PDE9A: variants seen among roughly 807,000 people sequenced by gnomAD.
The protein encoded by PDE9A is high affinity cGMP-specific 3',5'-cyclic phosphodiesterase 9A.
PDE9A carries 60 observed loss-of-function variants against 87.4 expected under a neutral mutation model. That is an observed-to-expected ratio of 0.69 (90% CI 0.56 to 0.85). PDE9A has a LOEUF of 0.85. Ranked by LOEUF, PDE9A falls within the 40% of genes least tolerant of loss-of-function variation. The pLI, the probability that PDE9A is intolerant of heterozygous loss-of-function variation, is 0.00. For synonymous variants in PDE9A, 272 were observed against 279.4 expected, an observed-to-expected ratio of 0.97 and a Z score of 0.27; for missense variants, 665 against 779.0, an observed-to-expected ratio of 0.85 and a Z score of 1.74.
chr21:42,759,057 T>A lies in PDE9A; in HGVS notation c.869T>A (p.Ile290Asn). The change falls in exon 11 of 20, where the codon ATC (isoleucine) becomes AAC (asparagine). Residue 290 changes from isoleucine (I) to asparagine (N), a missense_variant. Transcript: ENST00000291539. The surrounding 1 kb of genome is among the most constrained non-coding windows in gnomAD (Gnocchi z 7.2). ...CTCGGGCTGGTCAGGGACTTCAGCATCAACCCTGTCACCCTCAGGAGGTGG... is the reference window on the plus strand; with the variant it reads ...CTCGGGCTGGTCAGGGACTTCAGCAACAACCCTGTCACCCTCAGGAGGTGG... ...HDLGLVRDFSINPVTLRRWLF... is the reference protein window; with the variant it reads ...HDLGLVRDFSNNPVTLRRWLF... 6.2e-7 allele frequency: 1 copy of A among 1,614,026 alleles called. No homozygotes were observed. Among genetic ancestry groups the A allele is most frequent in the Non-Finnish European group, 8.5e-7 (1 of 1,179,884 alleles).
chr21:42,708,385 A>G (rs1228359022), intron 4 of PDE9A, among the ~76,000 whole-genome samples: 3 of 152,112 alleles, frequency 2.0e-5, no homozygotes, highest in African/African-American at 4.8e-5. Flanking sequence ...AGATGATGAC[A>G]GCTGAACATT....
chr21:42,720,050 C>A (rs1462595465), intron 4 of PDE9A, among the ~76,000 whole-genome samples: 1 of 152,136 alleles, frequency 6.6e-6, no homozygotes, highest in Non-Finnish European at 1.5e-5. Flanking sequence ...TTAAACTTTC[C>A]CAGAGGATTA....
chr21:42,716,587 A>G (rs1001535587), intron 4 of PDE9A, among the ~76,000 whole-genome samples: 3 of 151,426 alleles, frequency 2.0e-5, no homozygotes, highest in Non-Finnish European at 4.4e-5. Flanking sequence ...AACTTTTCAC[A>G]ATCTATTTAG....
chr21:42,774,751 G>A (rs918511723), intron 19 of PDE9A, among the ~76,000 whole-genome samples: 6 of 151,436 alleles, frequency 4.0e-5, no homozygotes, highest in Admixed American at 6.6e-5. Flanking sequence ...CTGTAGTGGC[G>A]TGCACCTGTA....
intron 7 of PDE9A, among the ~76,000 whole-genome samples, chr21:42,737,714 T>C (rs372369833): frequency 1.2e-4 from 18 of 152,308 alleles, no homozygotes; most frequent in Admixed American, 5.9e-4. Flanking sequence ...CGCCTCGGCC[T>C]CCCAAAGTGC....
At chr21:42,746,715 A>G (rs1273216326) in intron 8 of PDE9A, among the ~76,000 whole-genome samples, 1 of 152,202 alleles carries the variant, frequency 6.6e-6, no homozygotes, top group Non-Finnish European at 1.5e-5. Context: ...CCGATTTCAG[A>G]GCTTGCAGAG....
chr21:42,724,748 G>A lies in PDE9A; in HGVS notation c.263-7022G>A, dbSNP rs1413395673. On this transcript the variant is annotated intron_variant, in intron 4 of 19. Coordinates refer to ENST00000291539, the MANE Select transcript of PDE9A (RefSeq NM_002606.3). ...TGCTGGCCTGGGTGGCGCATTGGCC[G>A]AGGTGTGGCTATGACAGACCAGGAT... 6.5e-5 allele frequency: 15 copies of A among 230,804 alleles called. No homozygotes were observed. The Admixed American group carries it at 7.8e-4, about 12-fold the overall frequency. 14.3% of individuals were successfully genotyped at this position (230,804 alleles called of 1,614,324 possible). A position where few individuals can be genotyped will look rare whatever the true frequency, so the allele number is the denominator to read the frequency against.
chr21:42,683,947 C>T (rs763252527), intron 1 of PDE9A, among the ~76,000 whole-genome samples: 4 of 152,224 alleles, frequency 2.6e-5, no homozygotes, highest in Non-Finnish European at 4.4e-5. Context: ...TCATTTGCTG[C>T]GGCCACCCAG....
chr21:42,765,277 G>C, intron 14 of PDE9A, 104 bp from the exon 15 acceptor site: 2 of 640,760 alleles, frequency 3.1e-6, no homozygotes, highest in Non-Finnish European at 5.6e-6. Context: ...CGGAATAAGA[G>C]ATACATGAAA....
intron 4 of PDE9A, among the ~76,000 whole-genome samples, chr21:42,709,451 CTTAAAA>C (rs781413114): frequency 1.1e-3 from 161 of 152,298 alleles, no homozygotes; most frequent in Non-Finnish European, 1.7e-3. Flanking sequence ...TATCCCAGAA[CTTAAAA>C]TTAAATTAAA....
At position 42,687,931 on chromosome 21, in the gene PDE9A, C is replaced by T. The variant is rs1393435353; in HGVS notation, c.155C>T (p.Ser52Phe). 1 of 1,612,980 alleles carries T rather than the reference C, an allele frequency of 6.2e-7. No individual in the cohort carries two copies. The highest frequency in any genetic ancestry group is 1.3e-5 in the African/African-American group (1 of 74,884). Reference sequence around the variant, plus strand: ...GTGTTTTCCAGGAACACGACCATCTCCCTGCTGACCACCGACGACGCCATG... The same window carrying T: ...GTGTTTTCCAGGAACACGACCATCTTCCTGCTGACCACCGACGACGCCATG... The part of the protein sequence containing the change: ...ATGLPRNTTI[S>F]LLTTDDAMVS... Residue 52 changes from serine to phenylalanine, a missense_variant, in exon 3 of 20, where the codon TCC becomes TTC. Ser to Phe is a radical substitution (Grantham distance 155, BLOSUM62 -2). Coordinates refer to ENST00000291539, the MANE Select transcript of PDE9A (RefSeq NM_002606.3).
chr21:42,670,579 A>G (rs984714474), intron 1 of PDE9A, among the ~76,000 whole-genome samples: 10 of 151,412 alleles, frequency 6.6e-5, no homozygotes, highest in African/African-American at 4.9e-5. Context: ...CACACACCAC[A>G]TACACGCATA....
At chr21:42,689,209 G>A (rs1218189067) in intron 3 of PDE9A, among the ~76,000 whole-genome samples, 6 of 152,220 alleles carry the variant, frequency 3.9e-5, no homozygotes, top group South Asian at 4.1e-4. Context: ...CCCAGTGGAC[G>A]TGTCCAGAGC....
Position 42,692,621 on chromosome 21 carries a change from C to T in PDE9A, c.218+4627C>T, listed in dbSNP as rs2059910643. On this transcript the variant is annotated intron_variant, in intron 3 of 19. Transcript: ENST00000291539. This position sits in a 1 kb window ranked among gnomAD's most constrained non-coding sequence, Gnocchi z 4.3. ...AATCTTTCTGCAGCAGAAAGCCAGGCTTTCTGCAGGTTCCCAGTGAGGAGG... is the reference window on the plus strand; with the variant it reads ...AATCTTTCTGCAGCAGAAAGCCAGGTTTTCTGCAGGTTCCCAGTGAGGAGG... 1.3e-5 allele frequency among the ~76,000 whole-genome samples: 2 copies of T among 152,146 alleles called. No homozygotes were observed.
chr21:42,732,495 G>A (rs1047928006), intron 6 of PDE9A, among the ~76,000 whole-genome samples: 8 of 152,148 alleles, frequency 5.3e-5, no homozygotes, highest in Admixed American at 6.5e-5. Flanking sequence ...CCTTTTCATC[G>A]GAGTCATCCC....
chr21:42,712,228 A>G lies in PDE9A; in HGVS notation c.262+13217A>G, dbSNP rs369601762. On this transcript the variant is annotated intron_variant, in intron 4 of 19. Transcript: ENST00000291539. ...ACTTCTCAAAAGGTTATGGCTTTCA[A>G]GATAAAGGTCCTTCATGTCTTCGGT... Among the ~76,000 whole-genome samples the G allele has an allele frequency of 1.2e-4, 19 of 152,350 alleles. No homozygotes were observed. The South Asian group carries it at 1.9e-3, about 15-fold the overall frequency.
rs111213067 is a variant in PDE9A at position 42,662,780 on chromosome 21, C to A, written c.69+8897C>A. On this transcript the variant is annotated intron_variant, in intron 1 of 19. Coordinates refer to ENST00000291539, the MANE Select transcript of PDE9A (RefSeq NM_002606.3). ...ACACCACACACAAGGACACACACCACACACACACACCAAGCACACACACAC... is the reference window on the plus strand; with the variant it reads ...ACACCACACACAAGGACACACACCAAACACACACACCAAGCACACACACAC... Among the ~76,000 whole-genome samples the A allele has an allele frequency of 6.1e-5, 7 of 113,954 alleles. 2 individuals are homozygous for A. The highest frequency in any genetic ancestry group is 3.8e-4 in the African/African-American group (7 of 18,524). The allele number at this position is 113,954 out of a possible 152,430, so 74.8% of individuals were successfully genotyped here.
At chr21:42,764,618 C>T (rs139363383) in intron 14 of PDE9A, among the ~76,000 whole-genome samples, 68 of 152,362 alleles carry the variant, frequency 4.5e-4, no homozygotes, top group Middle Eastern at 3.4e-3. Context: ...CGTTCTCGTG[C>T]CCATCCACCG....
intron 15 of PDE9A, among the ~76,000 whole-genome samples, chr21:42,767,884 C>A (rs990369591): frequency 2.6e-5 from 4 of 152,200 alleles, no homozygotes; most frequent in African/African-American, 7.2e-5. Flanking sequence ...GGAAGATGAG[C>A]AATGCACCCA....
Sources: allele counts gnomAD v4.1 joint callset (sites outside exome capture counted in the v4.1 genomes callset), GRCh38; gene constraint gnomAD v4.1.1; non-coding constraint Gnocchi (gnomAD v3.1); transcripts MANE v1.5; gene names NCBI Gene and HGNC (gene_info 2026-07-23, HGNC 2026-07-21).